The following ADAM12 variants were observed in gnomAD, a reference collection of about 807,000 sequenced individuals.
The protein encoded by ADAM12 is ADAM metallopeptidase domain 12.
ADAM12 carries 70 observed loss-of-function variants against 106.4 expected under a neutral mutation model. The observed-to-expected ratio is 0.66, with a 90% CI of 0.54 to 0.80. The LOEUF is 0.80. Among genes scored for constraint, ADAM12 ranks in the 30% least tolerant of loss-of-function variants. ADAM12 has a pLI of 0.00. For synonymous variants in ADAM12, 420 were observed against 433.5 expected (o/e 0.97, Z 0.39); for missense variants, 1,010 against 1,171.9 (o/e 0.86, Z 2.02).
chr10:126,255,724 G>C (rs561515771), intron 3 of ADAM12, among the ~76,000 whole-genome samples: 93 of 152,296 alleles, frequency 6.1e-4, no homozygotes, highest in African/African-American at 2.1e-3. Context: ...GGCTCCATGA[G>C]GGTTGTCTCC....
intron 11 of ADAM12, among the ~76,000 whole-genome samples, chr10:126,081,074 C>T (rs937345341): frequency 6.9e-6 from 1 of 144,752 alleles, no homozygotes; most frequent in African/African-American, 2.7e-5. Context: ...TCTGGAGAAA[C>T]CAGCTATAAT....
chr10:126,310,786 C>T (rs1020252450), intron 2 of ADAM12, among the ~76,000 whole-genome samples: 2 of 152,116 alleles, frequency 1.3e-5, no homozygotes, highest in East Asian at 1.9e-4. Context: ...GGTTGTAATG[C>T]AGAGTAGCAC....
chr10:126,081,418 T>TC (rs1172004891), intron 11 of ADAM12, among the ~76,000 whole-genome samples: 8 of 152,176 alleles, frequency 5.3e-5, no homozygotes, highest in Non-Finnish European at 1.0e-4. Context: ...CCTCATATCG[T>TC]CCACAGCTGA....
chr10:126,170,303 C>T (rs960877419), intron 3 of ADAM12, among the ~76,000 whole-genome samples: 4 of 152,080 alleles, frequency 2.6e-5, no homozygotes, highest in African/African-American at 7.2e-5. Flanking sequence ...AGCAGGGATC[C>T]GGGGCGGCGA....
chr10:126,338,219 G>T (rs982836032), intron 1 of ADAM12, among the ~76,000 whole-genome samples: 9 of 149,964 alleles, frequency 6.0e-5, no homozygotes, highest in African/African-American at 2.2e-4. Flanking sequence ...GCTGTGGGGA[G>T]CAAAGTCACT....
chr10:126,135,660 C>G lies in ADAM12; in HGVS notation c.340G>C (p.Gly114Arg). The G allele has an allele frequency of 6.2e-7, 1 of 1,613,496 alleles. No homozygotes were observed. The highest frequency in any genetic ancestry group is 1.1e-5 in the South Asian group (1 of 91,060). Residue 114 changes from glycine (G) to arginine (R), a missense_variant and splice_region_variant, in exon 5 of 23, where the codon GGT becomes CGT. Around this residue, in one of 3 missense-constraint regions of ADAM12, gnomAD observed 391 missense variants for 442.9 expected, o/e 0.88. Coordinates refer to ENST00000448723, the MANE Select transcript of ADAM12 (RefSeq NM_001288973.2). ...ACATGTCCATGGTAGTAACAGTGAC[C>G]CTAAAGGGGAGGAGGAGAGAATCCC... ...TDVSLARNYTGHCYYHGHVRG... is the reference protein window; with the variant it reads ...TDVSLARNYTRHCYYHGHVRG...
rs1463175268 is a variant in ADAM12, at chr10:126,014,976, GC to G, written c.*2302del. The G allele has an allele frequency of 6.6e-6, 1 of 152,156 alleles. No homozygotes were observed. Among genetic ancestry groups the G allele is most frequent in the Admixed American group, 6.5e-5 (1 of 15,280 alleles). The allele number at this position is 152,156 out of a possible 1,614,324, so 9.4% of individuals were successfully genotyped here. A position where few individuals can be genotyped will look rare whatever the true frequency, so the allele number is the denominator to read the frequency against. On this transcript the variant is annotated 3_prime_UTR_variant, in exon 23 of 23. Coordinates refer to ENST00000448723, the MANE Select transcript of ADAM12 (RefSeq NM_001288973.2). Reference sequence around the variant, plus strand: ...CCTAAGTTATGTTAAAATGGAATTTGCTGCTAAATATGCTTCACTTGATAAA... The same window carrying G: ...CCTAAGTTATGTTAAAATGGAATTTGTGCTAAATATGCTTCACTTGATAAA...
intron 1 of ADAM12, among the ~76,000 whole-genome samples, chr10:126,382,235 G>A (rs1412907917): frequency 2.0e-5 from 3 of 152,120 alleles, no homozygotes; most frequent in Admixed American, 6.5e-5. Flanking sequence ...ACCTGTATAA[G>A]GAGAAGATAG....
At chr10:126,241,074 A>G (rs1590667343) in intron 3 of ADAM12, among the ~76,000 whole-genome samples, 1 of 149,964 alleles carries the variant, frequency 6.7e-6, no homozygotes, top group Middle Eastern at 3.5e-3. Context: ...TACAAACAAC[A>G]TGGATGAACC....
chr10:126,378,840 CT>C (rs1856390587), intron 1 of ADAM12, among the ~76,000 whole-genome samples: 2 of 152,088 alleles, frequency 1.3e-5, no homozygotes, highest in Middle Eastern at 3.2e-3. Flanking sequence ...GGCCAGATTT[CT>C]TTTTCAATCA....
rs375446611 is a variant in ADAM12, at chr10:126,280,753, T to C, written c.187-1765A>G. Among the ~76,000 whole-genome samples the C allele has an allele frequency of 4.6e-5, 7 of 152,332 alleles. No individual in the cohort carries two copies. In the East Asian group the frequency reaches 1.4e-3, roughly 29 times the overall value. ...TAGTTATTTAAACTTGAGAGTTAAA[T>C]TGGTGAATTTCCAGATATATGAAAT... On this transcript the variant is annotated intron_variant, in intron 2 of 22. Transcript: ENST00000448723.
chr10:126,251,581 T>C (rs1367700912), intron 3 of ADAM12, among the ~76,000 whole-genome samples: 3 of 150,178 alleles, frequency 2.0e-5, no homozygotes, highest in Non-Finnish European at 4.4e-5. Context: ...GATGGATGGA[T>C]GAACGGACAG....
At chr10:126,105,296 C>A (rs538197296) in intron 8 of ADAM12, among the ~76,000 whole-genome samples, 3 of 152,184 alleles carry the variant, frequency 2.0e-5, no homozygotes, top group African/African-American at 7.2e-5. Context: ...ACACAGAGGA[C>A]CCAAACACAT....
intron 10 of ADAM12, among the ~76,000 whole-genome samples, chr10:126,094,752 C>T (rs1955525597): frequency 6.6e-6 from 1 of 152,280 alleles, no homozygotes; most frequent in Non-Finnish European, 1.5e-5. Flanking sequence ...CCAGCTATAT[C>T]TTATTCTTGC....
At chr10:126,187,037 T>C (rs551986694) in intron 3 of ADAM12, among the ~76,000 whole-genome samples, 88 of 152,220 alleles carry the variant, frequency 5.8e-4, no homozygotes, top group Non-Finnish European at 1.1e-3. Flanking sequence ...CCCTGTGTCT[T>C]TCACTGTCTT....
chr10:126,221,496 A>C (rs2133853262), intron 3 of ADAM12, among the ~76,000 whole-genome samples: 1 of 152,176 alleles, frequency 6.6e-6, no homozygotes. Flanking sequence ...ATAAACTAAC[A>C]ATTATTATTC....
intron 4 of ADAM12, among the ~76,000 whole-genome samples, chr10:126,142,170 G>C (rs534962114): frequency 6.6e-6 from 1 of 152,080 alleles, no homozygotes; most frequent in Non-Finnish European, 1.5e-5. Context: ...AGACCAGCTC[G>C]GTCAGGGAGA....
intron 1 of ADAM12, among the ~76,000 whole-genome samples, chr10:126,336,728 C>CA (rs1210195958): frequency 6.6e-6 from 1 of 152,176 alleles, no homozygotes; most frequent in Non-Finnish European, 1.5e-5. Flanking sequence ...GACACACACA[C>CA]AAACACATTG....
intron 3 of ADAM12, among the ~76,000 whole-genome samples, chr10:126,240,816 C>T (rs1361786742): frequency 3.3e-5 from 5 of 152,228 alleles, no homozygotes; most frequent in Admixed American, 2.6e-4. Context: ...AGTCAGGAGA[C>T]GCCGGGTCCT....
Sources: gnomAD v4.1 joint callset for allele counts (sites outside exome capture counted in the v4.1 genomes callset) on GRCh38, gnomAD v4.1.1 for gene constraint, gnomAD v4.1.1 regional missense constraint, MANE v1.5 for transcripts, NCBI Gene and HGNC (gene_info 2026-07-23, HGNC 2026-07-21) for gene names.